PRKD1: variants seen among roughly 807,000 people sequenced by gnomAD.
The protein encoded by PRKD1 is protein kinase D1, also known as serine/threonine-protein kinase D1.
PRKD1 carries 63 observed loss-of-function variants against 95.9 expected under a neutral mutation model. That is an observed-to-expected ratio of 0.66 (90% CI 0.54 to 0.81). PRKD1 has a LOEUF of 0.81. Ranked by LOEUF, PRKD1 falls within the 30% of genes least tolerant of loss-of-function variation. PRKD1 has a pLI of 0.00. For missense variants in PRKD1, 1,048 were observed against 1,165.3 expected (o/e 0.90, Z 1.47); for synonymous variants, 425 against 423.1 (o/e 1.00, Z -0.05).
chr14:29,833,562 G>A (rs559876200), intron 1 of PRKD1, among the ~76,000 whole-genome samples: 1 of 152,106 alleles, frequency 6.6e-6, no homozygotes, highest in Admixed American at 6.5e-5. Context: ...GTGTGCCTCA[G>A]AGGAAATGGA....
At chr14:29,612,300 T>C (rs989112967) in intron 13 of PRKD1, among the ~76,000 whole-genome samples, 1 of 152,220 alleles carries the variant, frequency 6.6e-6, no homozygotes, top group African/African-American at 2.4e-5. Context: ...TGTTTACTTC[T>C]AAGACGTGAG....
At chr14:29,690,695 C>A (rs1884180017) in intron 2 of PRKD1, among the ~76,000 whole-genome samples, 1 of 152,194 alleles carries the variant, frequency 6.6e-6, no homozygotes, top group African/African-American at 2.4e-5. Context: ...ATCTGTTGAT[C>A]TGTTTAAACT....
At chr14:29,587,750 G>A (rs1186727488) in intron 16 of PRKD1, among the ~76,000 whole-genome samples, 2 of 152,102 alleles carry the variant, frequency 1.3e-5, no homozygotes, top group Non-Finnish European at 2.9e-5. Flanking sequence ...CACTCTACTG[G>A]TAGATATTTT....
intron 1 of PRKD1, among the ~76,000 whole-genome samples, chr14:29,907,722 C>T (rs185327054): frequency 5.3e-5 from 8 of 152,220 alleles, no homozygotes; most frequent in Admixed American, 2.0e-4. Context: ...ATGGACGTGT[C>T]AAAGATGACA....
intron 1 of PRKD1, among the ~76,000 whole-genome samples, chr14:29,877,661 G>T (rs1893348143): frequency 6.6e-6 from 1 of 152,024 alleles, no homozygotes; most frequent in Non-Finnish European, 1.5e-5. Context: ...GTTGATTTTT[G>T]TATATAGTAT....
chr14:29,840,441 C>T (rs1891791988), intron 1 of PRKD1, among the ~76,000 whole-genome samples: 1 of 152,180 alleles, frequency 6.6e-6, no homozygotes, highest in Non-Finnish European at 1.5e-5. Flanking sequence ...AACTTTCCCA[C>T]ATTTCTCTGT....
chr14:29,894,670 G>A (rs766919953), intron 1 of PRKD1, among the ~76,000 whole-genome samples: 5 of 152,154 alleles, frequency 3.3e-5, no homozygotes, highest in Non-Finnish European at 7.4e-5. Context: ...GAAATAAACA[G>A]ATTTTAGATA....
chr14:29,864,868 T>C (rs111657937), intron 1 of PRKD1, among the ~76,000 whole-genome samples: 2 of 152,294 alleles, frequency 1.3e-5, no homozygotes, highest in African/African-American at 4.8e-5. Flanking sequence ...TCACACAGTT[T>C]GCTGGAAGAT....
intron 1 of PRKD1, among the ~76,000 whole-genome samples, chr14:29,848,379 A>G (rs1276656686): frequency 6.6e-6 from 1 of 152,082 alleles, no homozygotes; most frequent in Non-Finnish European, 1.5e-5. Flanking sequence ...ACCCACACAC[A>G]CACACTTTAT....
intron 1 of PRKD1, among the ~76,000 whole-genome samples, chr14:29,728,066 C>T (rs892235687): frequency 6.6e-6 from 1 of 151,594 alleles, no homozygotes; most frequent in Non-Finnish European, 1.5e-5. Flanking sequence ...TGCTAGATGA[C>T]GAGTTAGTGG....
intron 1 of PRKD1, among the ~76,000 whole-genome samples, chr14:29,751,368 TC>T (rs776068282): frequency 1.5e-4 from 23 of 152,300 alleles, no homozygotes; most frequent in Non-Finnish European, 2.5e-4. Flanking sequence ...TTCTGGGGAA[TC>T]TTTTTCCTTC....
chr14:29,758,191 GAA>G (rs35844516), intron 1 of PRKD1, among the ~76,000 whole-genome samples: 5 of 136,024 alleles, frequency 3.7e-5, no homozygotes, highest in Admixed American at 7.4e-5. Context: ...AAGAGAGAAA[GAA>G]AAAAAAAAAA....
intron 1 of PRKD1, among the ~76,000 whole-genome samples, chr14:29,786,019 C>T (rs943500665): frequency 6.6e-6 from 1 of 152,006 alleles, no homozygotes; most frequent in Non-Finnish European, 1.5e-5. Flanking sequence ...GTTTGTTCCT[C>T]TATACCTAAT....
At chr14:29,642,039 G>A (rs753494193) in intron 4 of PRKD1, among the ~76,000 whole-genome samples, 1 of 151,750 alleles carries the variant, frequency 6.6e-6, no homozygotes. Flanking sequence ...AAGTAGCTGG[G>A]ATTATAGGCA....
chr14:29,863,172 A>C (rs1355513449), intron 1 of PRKD1, among the ~76,000 whole-genome samples: 2 of 152,216 alleles, frequency 1.3e-5, no homozygotes, highest in East Asian at 3.8e-4. Flanking sequence ...GAGTCAGTTT[A>C]GGAGTCAAAA....
intron 1 of PRKD1, among the ~76,000 whole-genome samples, chr14:29,763,168 A>G (rs975722518): frequency 6.8e-6 from 1 of 147,508 alleles, no homozygotes; most frequent in Admixed American, 6.8e-5. Flanking sequence ...TTATCCAGGC[A>G]CATCTGCAGT....
intron 2 of PRKD1, among the ~76,000 whole-genome samples, chr14:29,686,384 G>T (rs981973075): frequency 5.3e-5 from 8 of 152,148 alleles, no homozygotes; most frequent in Non-Finnish European, 1.2e-4. Flanking sequence ...CTACACTCTG[G>T]CATGTTATCT....
At chr14:29,848,828 T>TAG (rs1410894195) in intron 1 of PRKD1, among the ~76,000 whole-genome samples, 1 of 145,834 alleles carries the variant, frequency 6.9e-6, no homozygotes, top group Non-Finnish European at 1.6e-5. Context: ...AAGGAAGATG[T>TAG]AGATAAAGTC....
At chr14:29,902,067 T>C (rs45447994) in intron 1 of PRKD1, among the ~76,000 whole-genome samples, 9,876 of 152,178 alleles carry the variant, frequency 0.065, 395 homozygotes, top group South Asian at 0.11. Flanking sequence ...GCTCTAAGCA[T>C]GTCTTGGAGC....
Sources: gnomAD v4.1 joint callset for allele counts (sites outside exome capture counted in the v4.1 genomes callset) on GRCh38, gnomAD v4.1.1 for gene constraint, MANE v1.5 for transcripts, NCBI Gene and HGNC (gene_info 2026-07-23, HGNC 2026-07-21) for gene names.